The following CDH9 variants were observed in gnomAD, a reference collection of about 807,000 sequenced individuals.
CDH9 encodes the protein cadherin 9.
Under a neutral mutation model 70.9 loss-of-function variants are expected in CDH9, and 28 were observed. That is an observed-to-expected ratio of 0.40 (90% confidence interval 0.29 to 0.54). The LOEUF (loss-of-function observed/expected upper bound fraction) is 0.54, where lower values mean the gene tolerates loss of function less well. Among genes scored for constraint, CDH9 ranks in the 20% least tolerant of loss-of-function variants. The probability of loss-of-function intolerance (pLI) is 0.59; values close to 1 mark genes in which losing one functional copy is unlikely to be tolerated. For missense variants in CDH9, 874 were observed against 984.4 expected (o/e 0.89, Z 1.50); for synonymous variants, 409 against 343.1 (o/e 1.19, Z -2.12).
intron 11 of CDH9, among the ~76,000 whole-genome samples, chr5:26,884,504 C>G (rs1284906598): frequency 6.6e-6 from 1 of 152,066 alleles, no homozygotes; most frequent in Non-Finnish European, 1.5e-5. Context: ...GAGTTGAACT[C>G]TCTAGCAGTA....
intron 1 of CDH9, among the ~76,000 whole-genome samples, chr5:27,014,687 G>A (rs1400953667): frequency 6.6e-6 from 1 of 151,516 alleles, no homozygotes; most frequent in Non-Finnish European, 1.5e-5. Context: ...AGATTTATAA[G>A]GAAACATTAA....
chr5:26,954,648 T>G (rs188074175), intron 2 of CDH9, among the ~76,000 whole-genome samples: 1 of 152,016 alleles, frequency 6.6e-6, no homozygotes, highest in Non-Finnish European at 1.5e-5. Context: ...CCTCCTAAAG[T>G]GCAGGGATTA....
At chr5:27,026,655 T>C (rs1243940653) in intron 1 of CDH9, among the ~76,000 whole-genome samples, 2 of 152,036 alleles carry the variant, frequency 1.3e-5, no homozygotes, top group African/African-American at 2.4e-5. Flanking sequence ...TGATGCATAG[T>C]AAAGTTTGAA....
intron 2 of CDH9, among the ~76,000 whole-genome samples, chr5:26,960,165 T>G (rs1742010567): frequency 6.6e-6 from 1 of 152,000 alleles, no homozygotes; most frequent in Non-Finnish European, 1.5e-5. Flanking sequence ...GAAAATCACC[T>G]GTCCAGGAAT....
intron 9 of CDH9, among the ~76,000 whole-genome samples, chr5:26,886,963 C>T (rs1052079185): frequency 3.3e-5 from 5 of 152,294 alleles, no homozygotes; most frequent in East Asian, 1.9e-4. Context: ...AGACAGGTCT[C>T]ATAGTCTAAC....
chr5:26,955,453 C>T (rs1741930174), intron 2 of CDH9, among the ~76,000 whole-genome samples: 2 of 152,242 alleles, frequency 1.3e-5, no homozygotes, highest in Admixed American at 1.3e-4. Flanking sequence ...CATTTCCATG[C>T]CTTTTTAAGT....
At chr5:27,035,101 T>C (rs915806550) in intron 1 of CDH9, among the ~76,000 whole-genome samples, 1 of 150,710 alleles carries the variant, frequency 6.6e-6, no homozygotes, top group Non-Finnish European at 1.5e-5. Flanking sequence ...CATCTCTTTA[T>C]GTATTTTTCT....
chr5:26,885,572 A>G, intron 11 of CDH9, 42 bp downstream of exon 11: 1 of 1,568,630 alleles, frequency 6.4e-7, no homozygotes, highest in Non-Finnish European at 8.8e-7. Context: ...TGAGGGAGAG[A>G]TTTTTGTGAG....
chr5:26,991,536 C>T (rs1742578592), intron 1 of CDH9, among the ~76,000 whole-genome samples: 1 of 152,170 alleles, frequency 6.6e-6, no homozygotes, highest in Non-Finnish European at 1.5e-5. Context: ...TTTTCCATCC[C>T]TGTCCTATTA....
intron 7 of CDH9, among the ~76,000 whole-genome samples, chr5:26,902,002 CA>C (rs1740862922): frequency 1.3e-5 from 2 of 151,808 alleles, no homozygotes; most frequent in African/African-American, 4.8e-5. Context: ...TCTAGGAAAA[CA>C]TTTTTTTCTA....
chr5:26,918,579 G>C (rs1741189017), intron 2 of CDH9, among the ~76,000 whole-genome samples: 4 of 152,160 alleles, frequency 2.6e-5, no homozygotes, highest in African/African-American at 9.7e-5. Context: ...TGAATGGATA[G>C]ACTTGAATTT....
At chr5:27,007,740 T>A (rs2112112119) in intron 1 of CDH9, among the ~76,000 whole-genome samples, 1 of 152,232 alleles carries the variant, frequency 6.6e-6, no homozygotes, top group East Asian at 1.9e-4. Flanking sequence ...GCAGCAGGTC[T>A]AATCATTGCC....
At chr5:26,977,470 TGC>T (rs1324016332) in intron 2 of CDH9, among the ~76,000 whole-genome samples, 7 of 122,554 alleles carry the variant, frequency 5.7e-5, no homozygotes, top group Middle Eastern at 3.8e-3. Context: ...TATATATGTG[TGC>T]GTGTGTGTGT....
At chr5:26,919,880 C>T (rs1046406717) in intron 2 of CDH9, among the ~76,000 whole-genome samples, 1 of 152,122 alleles carries the variant, frequency 6.6e-6, no homozygotes, top group Non-Finnish European at 1.5e-5. Flanking sequence ...CCTGAATTAT[C>T]AGCAGTGGTA....
At chr5:26,987,006 C>A (rs1742498087) in intron 2 of CDH9, among the ~76,000 whole-genome samples, 1 of 150,216 alleles carries the variant, frequency 6.7e-6, no homozygotes, top group Admixed American at 6.7e-5. Context: ...AGAATTAGAT[C>A]AAAATTTTGG....
At chr5:26,924,244 G>A (rs758301193) in intron 2 of CDH9, among the ~76,000 whole-genome samples, 2 of 151,712 alleles carry the variant, frequency 1.3e-5, no homozygotes, top group African/African-American at 4.8e-5. Context: ...AAATTCAAAG[G>A]ATCATTACAG....
chr5:27,036,219 A>C (rs1301769876), intron 1 of CDH9, among the ~76,000 whole-genome samples: 1 of 151,828 alleles, frequency 6.6e-6, no homozygotes, highest in Admixed American at 6.6e-5. Context: ...TGCTTTAAAA[A>C]TCTTACTTGG....
chr5:26,930,362 G>A (rs561281928), intron 2 of CDH9, among the ~76,000 whole-genome samples: 3 of 152,188 alleles, frequency 2.0e-5, no homozygotes, highest in African/African-American at 7.2e-5. Context: ...TGGAGGATTG[G>A]TTTCAGGGCT....
chr5:26,977,175 T>C (rs1317896052), intron 2 of CDH9, among the ~76,000 whole-genome samples: 1 of 152,042 alleles, frequency 6.6e-6, no homozygotes, highest in South Asian at 2.1e-4. Flanking sequence ...TGCAAGATTA[T>C]ACATTTTCTT....
Sources: gnomAD v4.1 joint callset for allele counts (sites outside exome capture counted in the v4.1 genomes callset) on GRCh38, gnomAD v4.1.1 for gene constraint, MANE v1.5 for transcripts, NCBI Gene and HGNC (gene_info 2026-07-23, HGNC 2026-07-21) for gene names.